Variants in AP3D1 observed in about 807,000 individuals in gnomAD.
AP3D1 encodes adaptor related protein complex 3 subunit delta 1.
In AP3D1, 51 loss-of-function variants were observed where a neutral mutation model predicts 147.6. The ratio of observed to expected loss-of-function variants is 0.35; its 90% CI spans 0.28 to 0.44. The LOEUF (loss-of-function observed/expected upper bound fraction) is 0.44, where lower values mean the gene tolerates loss of function less well. Among genes scored for constraint, AP3D1 ranks in the 20% least tolerant of loss-of-function variants. The probability of loss-of-function intolerance (pLI) is 1.00; values close to 1 mark genes in which losing one functional copy is unlikely to be tolerated. For synonymous variants in AP3D1, 760 were observed against 663.0 expected (o/e 1.15, Z -2.25); for missense variants, 1,421 against 1,624.2 (o/e 0.87, Z 2.15).
At chr19:2,110,450 G>A (rs2018239340) in intron 27 of AP3D1, among the ~76,000 whole-genome samples, 1 of 152,146 alleles carries the variant, frequency 6.6e-6, no homozygotes, top group Non-Finnish European at 1.5e-5. Context: ...CTTGGCCACT[G>A]GAACCGTGGA....
At position 2,114,363 on chromosome 19, in the gene AP3D1, G is replaced by A. The variant is rs1237513986; in HGVS notation, c.2424-61C>T. 21 of 1,397,716 alleles carry A rather than the reference G, an allele frequency of 1.5e-5. No individual in the cohort carries two copies. The Admixed American group carries it at 4.1e-4, about 27-fold the overall frequency. 86.6% of individuals were successfully genotyped at this position (1,397,716 alleles called of 1,614,324 possible). A position where few individuals can be genotyped will look rare whatever the true frequency, so the allele number is the denominator to read the frequency against. The stretch of plus-strand genomic sequence containing the variant: ...ACTGGCCACCCCCCAGGACCACTCA[G>A]TACATGCCGTGTCCAAGCATGTGGC... On this transcript the variant is annotated intron_variant, in intron 21 of 31. Transcript: ENST00000643116.
chr19:2,153,218 TA>T (rs1233649667), upstream of AP3D1, among the ~76,000 whole-genome samples: 3 of 129,678 alleles, frequency 2.3e-5, no homozygotes, highest in African/African-American at 8.8e-5. Context: ...TACTAAAAAT[TA>T]AAAAATTAGC....
rs1199952671 is a variant in AP3D1, at chr19:2,109,919, G to A, written c.3304C>T (p.Leu1102=). 9.9e-6 allele frequency: 16 copies of A among 1,613,716 alleles called. No homozygotes were observed. The highest frequency in any genetic ancestry group is 1.6e-4 in the Middle Eastern group (1 of 6,070). The change falls in exon 29 of 32, where the codon CTG becomes TTG. Residue 1102 remains leucine (L), a synonymous_variant. Coordinates refer to ENST00000643116, the MANE Select transcript of AP3D1 (RefSeq NM_001261826.3). ...AAGTAGGAGCTGCAGCTGAAGTGCAGCCTGAAGTCCAGCTTCTCGTGGGTC... is the reference window on the plus strand; with the variant it reads ...AAGTAGGAGCTGCAGCTGAAGTGCAACCTGAAGTCCAGCTTCTCGTGGGTC... ...GATHEKLDFR[L]HFSCSSYLIT...
chr19:2,107,721 C>T (rs1025563180), intron 31 of AP3D1, among the ~76,000 whole-genome samples: 2 of 145,458 alleles, frequency 1.4e-5, no homozygotes, highest in African/African-American at 5.2e-5. Flanking sequence ...GCCTGGGCGA[C>T]AGAGCGAGAC....
intron 12 of AP3D1, 130 bp from the exon 13 acceptor site, chr19:2,121,441 A>G: frequency 7.9e-7 from 1 of 1,269,450 alleles, no homozygotes; most frequent in Non-Finnish European, 1.1e-6. Context: ...GATCGATGCC[A>G]GGGAGGCAGC....
intron 4 of AP3D1, 91 bp downstream of exon 4, chr19:2,136,920 C>G: frequency 1.6e-6 from 2 of 1,222,450 alleles, no homozygotes; most frequent in Non-Finnish European, 2.3e-6. Context: ...CAGGCACCTG[C>G]TGCCCACAGG....
chr19:2,104,343 CCG>C (rs1387745408), intron 31 of AP3D1, among the ~76,000 whole-genome samples: 5 of 136,742 alleles, frequency 3.7e-5, no homozygotes, highest in East Asian at 2.0e-4. Context: ...AATGCCGAGA[CCG>C]CAACACTGAG....
chr19:2,144,333 G>A (rs2019301950), intron 1 of AP3D1, among the ~76,000 whole-genome samples: 1 of 152,174 alleles, frequency 6.6e-6, no homozygotes, highest in Non-Finnish European at 1.5e-5. Context: ...TTGTGGACAG[G>A]CTCAACGCCC....
intron 14 of AP3D1, among the ~76,000 whole-genome samples, chr19:2,119,168 T>C (rs1180158560): frequency 1.3e-5 from 2 of 152,218 alleles, no homozygotes; most frequent in Non-Finnish European, 2.9e-5. Flanking sequence ...GACCCTGATC[T>C]GTGGGACAGT....
chr19:2,129,201 T>C, intron 7 of AP3D1, 38 bp from the exon 8 acceptor site: 2 of 1,608,056 alleles, frequency 1.2e-6, no homozygotes, highest in Non-Finnish European at 8.5e-7. Context: ...CCGCAGGGAA[T>C]GCCCCACGCA....
At chr19:2,111,534 CA>C (rs2018276632) in intron 25 of AP3D1, 144 bp downstream of exon 25, 2 of 1,270,082 alleles carry the variant, frequency 1.6e-6, no homozygotes, top group African/African-American at 3.0e-5. Context: ...GGCTGCGGGC[CA>C]GGGCCAGTCC....
intron 5 of AP3D1, among the ~76,000 whole-genome samples, chr19:2,130,901 C>G (rs117143375): frequency 0.01 from 1,590 of 152,382 alleles, 15 homozygotes; most frequent in Middle Eastern, 0.037. Context: ...TCAAATTCCC[C>G]AGCGGGAGCC....
At chr19:2,126,879 A>G (rs187849432) in intron 9 of AP3D1, among the ~76,000 whole-genome samples, 82 of 152,206 alleles carry the variant, frequency 5.4e-4, no homozygotes, top group African/African-American at 1.9e-3. Flanking sequence ...TTCATACCCA[A>G]GGGGACTCCA....
At chr19:2,127,090 C>T in intron 9 of AP3D1, 62 bp downstream of exon 9, 1 of 1,580,952 alleles carries the variant, frequency 6.3e-7, no homozygotes, top group Non-Finnish European at 8.7e-7. Context: ...CCTCCTGTCC[C>T]CACCTGAGAC....
Position 2,116,644 on chromosome 19 carries a change from C to T in AP3D1, c.1962G>A (p.Lys654=), listed in dbSNP as rs772316614. The change falls in exon 17 of 32, where the codon AAG becomes AAA. Residue 654 remains lysine, a synonymous_variant. Coordinates refer to ENST00000643116, the MANE Select transcript of AP3D1 (RefSeq NM_001261826.3). ...CCTCGTCCGCCTCCGACGGCCGGTGCTTGGGACGCCGCTGCTCCTCCTCGT... is the reference window on the plus strand; with the variant it reads ...CCTCGTCCGCCTCCGACGGCCGGTGTTTGGGACGCCGCTGCTCCTCCTCGT... ...VFHEEEQRRP[K]HRPSEADEEE... The T allele has an allele frequency of 5.0e-6, 8 of 1,604,382 alleles. No homozygotes were observed. In the South Asian group the frequency reaches 6.7e-5, roughly 13 times the overall value.
chr19:2,110,000 G>A (rs760186162), intron 28 of AP3D1, 42 bp from the exon 29 acceptor site: 12 of 1,606,998 alleles, frequency 7.5e-6, no homozygotes, highest in Non-Finnish European at 1.0e-5. Context: ...GGGGAGTCGG[G>A]CCCAGCTCAG....
At chr19:2,133,014 TC>T (rs2018990135) in intron 4 of AP3D1, among the ~76,000 whole-genome samples, 1 of 152,088 alleles carries the variant, frequency 6.6e-6, no homozygotes, top group African/African-American at 2.4e-5. Context: ...CACAAGTCAC[TC>T]CAAGTGTGGG....
In AP3D1 at chr19:2,102,028, G is replaced by A. The variant is rs1801941; in HGVS notation, c.*145C>T. The A allele has an allele frequency of 6.0e-3, 3,825 of 642,794 alleles. 17 individuals carry two copies. The highest frequency in any genetic ancestry group is 0.024 in the Middle Eastern group (55 of 2,274). 39.8% of individuals were successfully genotyped at this position (642,794 alleles called of 1,614,324 possible). On this transcript the variant is annotated 3_prime_UTR_variant, in exon 32 of 32. Coordinates refer to ENST00000643116, the MANE Select transcript of AP3D1 (RefSeq NM_001261826.3). Reference sequence around the variant, plus strand: ...ATAATTCAACGCAACAAATGACCTCGGATGTCTACACGGCGGACAACATAG... The same window carrying A: ...ATAATTCAACGCAACAAATGACCTCAGATGTCTACACGGCGGACAACATAG...
rs2019658483 is a variant in AP3D1 at position 2,157,580 on chromosome 19, TCCACCCAC to T, written c.-103+6768_-103+6775del. On this transcript the variant is annotated intron_variant, in intron 1 of 14. Coordinates refer to the AP3D1 transcript ENST00000643010. ...ATCTACCCATCTACCCATCCACCCA[TCCACCCAC>T]CGACTCATCCATCCACCCACCCACT... 7.8e-5 allele frequency among the ~76,000 whole-genome samples: 11 copies of T among 140,920 alleles called. No homozygotes were observed. In the South Asian group the frequency reaches 2.7e-3, roughly 35 times the overall value. 92.4% of individuals were successfully genotyped at this position (140,920 alleles called of 152,430 possible). A position where few individuals can be genotyped will look rare whatever the true frequency, so the allele number is the denominator to read the frequency against.
Sources: gnomAD v4.1 joint callset for allele counts (sites outside exome capture counted in the v4.1 genomes callset) on GRCh38, gnomAD v4.1.1 for gene constraint, MANE v1.5 for transcripts, NCBI Gene and HGNC (gene_info 2026-07-23, HGNC 2026-07-21) for gene names.